The following FMN2 variants were observed in gnomAD, a reference collection of about 807,000 sequenced individuals.
The protein encoded by FMN2 is formin-2.
In FMN2, 51 loss-of-function variants were observed where a neutral mutation model predicts 142.3. The observed-to-expected ratio is 0.36, with a 90% CI of 0.29 to 0.45. The LOEUF is 0.45. FMN2 is among the 20% of genes least tolerant of loss of function. The pLI, the probability that FMN2 is intolerant of heterozygous loss-of-function variation, is 1.00. For missense variants in FMN2, 1,936 were observed against 2,122.8 expected (o/e 0.91, Z 1.73); for synonymous variants, 882 against 869.8 (o/e 1.01, Z -0.25).
In FMN2 at chr1:240,118,770, T is replaced by G. The variant is rs555454450; in HGVS notation, c.1616-4409T>G. On this transcript the variant is annotated intron_variant, in intron 1 of 17. Transcript: ENST00000319653. ...AGCAATGGTTTGCTCTCCATGTGGA[T>G]GTCCAAATCACTAAGAATGATAGGA... Among the ~76,000 whole-genome samples the G allele has an allele frequency of 1.4e-3, 212 of 152,268 alleles. 4 individuals carry two copies. Among genetic ancestry groups the G allele is most frequent in the African/African-American group, 4.7e-3 (195 of 41,542 alleles).
intron 8 of FMN2, among the ~76,000 whole-genome samples, chr1:240,310,551 A>T (rs1670569951): frequency 6.6e-6 from 1 of 152,190 alleles, no homozygotes; most frequent in Admixed American, 6.5e-5. Context: ...ATAGTTACTA[A>T]ATGCAGTACA....
At chr1:240,326,520 G>A (rs145082586) in intron 8 of FMN2, among the ~76,000 whole-genome samples, 53 of 152,084 alleles carry the variant, frequency 3.5e-4, no homozygotes, top group African/African-American at 7.5e-4. Flanking sequence ...ATCTTTTTGC[G>A]CTTACAGCTG....
chr1:240,293,384 A>T (rs945282294), intron 7 of FMN2, among the ~76,000 whole-genome samples: 7 of 152,134 alleles, frequency 4.6e-5, no homozygotes, highest in African/African-American at 1.4e-4. Context: ...CTAGCTGATG[A>T]ATTCCAAAAT....
Position 240,257,970 on chromosome 1 carries a change from G to T in FMN2, c.4091G>T (p.Arg1364Ile). Reference protein sequence around the residue: ...KQVVKLLSNKRSQAVGILMSS... With the variant: ...KQVVKLLSNKISQAVGILMSS... Reference sequence around the variant, plus strand: ...GTTGTCAAGTTATTAAGCAACAAAAGATCACAAGCAGTTGGAATACTAATG... The same window carrying T: ...GTTGTCAAGTTATTAAGCAACAAAATATCACAAGCAGTTGGAATACTAATG... Residue 1364 changes from arginine to isoleucine, a missense_variant, in exon 7 of 18, where the codon AGA becomes ATA. Coordinates refer to ENST00000319653, the MANE Select transcript of FMN2 (RefSeq NM_020066.5). 1.9e-6 allele frequency: 3 copies of T among 1,612,794 alleles called. No individual in the cohort carries two copies. Among genetic ancestry groups the T allele is most frequent in the Non-Finnish European group, 2.5e-6 (3 of 1,179,642 alleles).
chr1:240,098,211 C>G (rs1353802416), intron 1 of FMN2, among the ~76,000 whole-genome samples: 1 of 150,494 alleles, frequency 6.6e-6, no homozygotes, highest in Non-Finnish European at 1.5e-5. Flanking sequence ...AAGCAATTCT[C>G]CTGCCTCAGC....
chr1:240,144,410 T>C, intron 2 of FMN2: 1 of 1,605,228 alleles, frequency 6.2e-7, no homozygotes, highest in South Asian at 1.1e-5. Context: ...GAGCTGTACA[T>C]TGGACATGAT....
chr1:240,118,276 G>A lies in FMN2; in HGVS notation c.1616-4903G>A, dbSNP rs999842117. On this transcript the variant is annotated intron_variant, in intron 1 of 17. Coordinates refer to ENST00000319653, the MANE Select transcript of FMN2 (RefSeq NM_020066.5). ...TGCAAGTTTATTAGAGAGTAAGTAC[G>A]TTGCAAAGGGCAACGGGTAGCACAG... is the stretch of plus-strand genomic sequence containing the variant. Among the ~76,000 whole-genome samples, 7 of 152,164 alleles carry A rather than the reference G, an allele frequency of 4.6e-5. No homozygotes were observed. The East Asian group carries it at 1.3e-3, about 29-fold the overall frequency.
chr1:240,373,076 C>G (rs920975180), intron 14 of FMN2, among the ~76,000 whole-genome samples: 5 of 152,080 alleles, frequency 3.3e-5, no homozygotes, highest in African/African-American at 1.2e-4. Context: ...CCCAGCTACT[C>G]AGGAGGCTGA....
intron 6 of FMN2, among the ~76,000 whole-genome samples, chr1:240,257,480 A>G (rs566489626): frequency 6.6e-6 from 1 of 152,316 alleles, no homozygotes; most frequent in South Asian, 2.1e-4. Flanking sequence ...CAACCAAACT[A>G]ATCTAGCAGA....
At chr1:240,427,171 T>TTATATATATATATATATATATATATA (rs34534422) in intron 15 of FMN2, among the ~76,000 whole-genome samples, 6 of 136,918 alleles carry the variant, frequency 4.4e-5, no homozygotes, top group East Asian at 2.0e-4. Context: ...ACAACTGATT[T>TTATATATATATATATATATATATATA]TATATATATA....
intron 15 of FMN2, among the ~76,000 whole-genome samples, chr1:240,408,106 A>G (rs1674273818): frequency 6.6e-6 from 1 of 152,216 alleles, no homozygotes; most frequent in Non-Finnish European, 1.5e-5. Flanking sequence ...AAAATAATTT[A>G]CAAAATCTTT....
intron 15 of FMN2, among the ~76,000 whole-genome samples, chr1:240,408,517 A>C (rs1353194895): frequency 6.6e-6 from 1 of 152,170 alleles, no homozygotes; most frequent in Non-Finnish European, 1.5e-5. Context: ...TGAATATCCA[A>C]AGTATCATAT....
chr1:240,169,646 A>AT (rs1390811151), intron 2 of FMN2, among the ~76,000 whole-genome samples: 9 of 150,750 alleles, frequency 6.0e-5, no homozygotes, highest in Non-Finnish European at 8.9e-5. Flanking sequence ...TTTATGTAAA[A>AT]TTTTTTTTTC....
chr1:240,092,519 A>G lies in FMN2; in HGVS notation c.410A>G (p.Asp137Gly). The G allele has an allele frequency of 6.2e-7, 1 of 1,608,932 alleles. No homozygotes were observed. Among genetic ancestry groups the G allele is most frequent in the Non-Finnish European group, 8.5e-7 (1 of 1,178,054 alleles). ...GGCCTGTCGGATACCGAGTGTGCGG[A>G]CCCTTTTGAGGTGACCGGTCCAGGG... is the stretch of plus-strand genomic sequence containing the variant. The part of the protein sequence containing the change: ...EAGLSDTECA[D>G]PFEVTGPGGP... Residue 137 changes from aspartate to glycine, a missense_variant, in exon 1 of 18, where the codon GAC becomes GGC. Transcript: ENST00000319653.
chr1:240,130,267 C>T (rs1168588606), intron 2 of FMN2, among the ~76,000 whole-genome samples: 3 of 152,142 alleles, frequency 2.0e-5, no homozygotes, highest in Non-Finnish European at 4.4e-5. Context: ...CAAGGATTTT[C>T]CTGGGTCAAG....
chr1:240,315,640 T>C (rs943957435), intron 8 of FMN2, among the ~76,000 whole-genome samples: 3 of 152,186 alleles, frequency 2.0e-5, no homozygotes, highest in Admixed American at 6.6e-5. Flanking sequence ...TATACAACTT[T>C]AGGTTGCTAT....
rs1350711539 is a variant in FMN2, at chr1:240,207,504, C to T, written c.2692C>T (p.Gln898Ter). 6.2e-7 allele frequency: 1 copy of T among 1,613,544 alleles called. No individual in the cohort carries two copies. The highest frequency in any genetic ancestry group is 8.5e-7 in the Non-Finnish European group (1 of 1,179,774). ...TACTCTGCCCAGTACAGCCATTCCC[C>T]AACCTCCTCCTCTGCAGGGTACAGA... The part of the protein sequence containing the change: ...VPTLPSTAIP[Q>*]PPPLQGTEML... The change falls in exon 5 of 18, where the codon CAA (glutamine) becomes TAA (stop). Residue 898 changes from glutamine to a stop codon, truncating the protein, a stop_gained. Coordinates refer to ENST00000319653, the MANE Select transcript of FMN2 (RefSeq NM_020066.5). LOFTEE classifies it high-confidence loss of function.
At chr1:240,222,624 G>A (rs1301145239) in intron 6 of FMN2, among the ~76,000 whole-genome samples, 1 of 152,092 alleles carries the variant, frequency 6.6e-6, no homozygotes, top group East Asian at 1.9e-4. Context: ...CTATCCATGA[G>A]CATGGAATGT....
At chr1:240,288,590 C>T (rs77096979) in intron 7 of FMN2, among the ~76,000 whole-genome samples, 1,853 of 152,176 alleles carry the variant, frequency 0.012, 37 homozygotes, top group African/African-American at 0.043. Context: ...CTGAGACTCA[C>T]GGCCCTGTGA....
Sources: gnomAD v4.1 joint callset for allele counts (sites outside exome capture counted in the v4.1 genomes callset) on GRCh38, gnomAD v4.1.1 for gene constraint, MANE v1.5 for transcripts, NCBI Gene and HGNC (gene_info 2026-07-23, HGNC 2026-07-21) for gene names.